The following MPRIP variants were observed in gnomAD, a reference collection of about 807,000 sequenced individuals.
MPRIP encodes the protein myosin phosphatase Rho interacting protein.
MPRIP carries 59 observed loss-of-function variants against 234.9 expected under a neutral mutation model. That is an observed-to-expected ratio of 0.25 (90% CI 0.20 to 0.31). MPRIP has a LOEUF of 0.31. MPRIP is among the 10% of genes least tolerant of loss of function. MPRIP has a pLI of 1.00. For synonymous variants in MPRIP, 1,144 were observed against 1,263.9 expected (o/e 0.91, Z 2.01); for missense variants, 2,436 against 3,071.0 (o/e 0.79, Z 4.89).
At chr17:17,088,729 A>G (rs992641071) in intron 3 of MPRIP, among the ~76,000 whole-genome samples, 5 of 152,116 alleles carry the variant, frequency 3.3e-5, no homozygotes, top group African/African-American at 1.2e-4. Flanking sequence ...CCTGGAAAAT[A>G]TATCATGTCC....
intron 1 of MPRIP, among the ~76,000 whole-genome samples, chr17:17,046,679 T>G (rs2088363139): frequency 6.6e-6 from 1 of 152,154 alleles, no homozygotes; most frequent in African/African-American, 2.4e-5. Context: ...TTTCCCCCAG[T>G]TGATTTGTAG....
chr17:17,108,315 A>G (rs1251232958), intron 3 of MPRIP, among the ~76,000 whole-genome samples: 1 of 152,232 alleles, frequency 6.6e-6, no homozygotes, highest in Non-Finnish European at 1.5e-5. Flanking sequence ...AAAAAGCTGT[A>G]AGTGACTTAA....
At chr17:17,154,510 T>C (rs1344747274) in intron 13 of MPRIP, 95 bp downstream of exon 13, 2 of 955,440 alleles carry the variant, frequency 2.1e-6, no homozygotes, top group African/African-American at 1.6e-5. Context: ...GTCTGAGACC[T>C]GAGCTCAGTG....
In MPRIP at chr17:17,060,887, C is replaced by T. The variant is rs778129472; in HGVS notation, c.124-14823C>T. On this transcript the variant is annotated intron_variant, in intron 1 of 23. Coordinates refer to ENST00000651222, the MANE Select transcript of MPRIP (RefSeq NM_001364716.4). ...GGCTGTAGAGCAATAGAACAGTATT[C>T]TCCAGGACTCAAGGCCCCATGGACA... 8.5e-5 allele frequency among the ~76,000 whole-genome samples: 13 copies of T among 152,356 alleles called. 1 individual carries two copies. In the South Asian group the frequency reaches 2.3e-3, roughly 27 times the overall value.
rs375686299 is a variant in MPRIP at position 17,076,553 on chromosome 17, A to G, written c.201+766A>G. 4.5e-4 allele frequency among the ~76,000 whole-genome samples: 69 copies of G among 152,014 alleles called. No homozygotes were observed. In the South Asian group the frequency reaches 0.014, roughly 30 times the overall value. On this transcript the variant is annotated intron_variant, in intron 2 of 23. Transcript: ENST00000651222. ...TTGCATTGTGTCTCTGTTCTTTGGG[A>G]TTGCTTCTAGAATGGGTTTTGATTT...
At chr17:17,169,049 G>A (rs1221640385) in intron 16 of MPRIP, 3 of 456,150 alleles carry the variant, frequency 6.6e-6, no homozygotes, top group Admixed American at 4.7e-5. Context: ...GGTTGTCAGC[G>A]AGCACCTCAG....
intron 3 of MPRIP, among the ~76,000 whole-genome samples, chr17:17,123,869 C>T (rs1022120142): frequency 6.6e-6 from 1 of 152,034 alleles, no homozygotes; most frequent in Non-Finnish European, 1.5e-5. Context: ...GTATTTACCC[C>T]CATTTGCTCT....
rs1216351055 is a variant in MPRIP at position 17,136,438 on chromosome 17, G to A, written c.724G>A (p.Glu242Lys). 22 of 1,609,818 alleles carry A rather than the reference G, an allele frequency of 1.4e-5. No homozygotes were observed. The highest frequency in any genetic ancestry group is 1.7e-5 in the Non-Finnish European group (20 of 1,178,084). ...AASSLREPGL[E>K]SKEEESAMSS... ...CAGCTCCCTGCGGGAACCTGGGCTAGAGAGCAAAGAAGGTGAGCGGAGGCC... is the reference window on the plus strand; with the variant it reads ...CAGCTCCCTGCGGGAACCTGGGCTAAAGAGCAAAGAAGGTGAGCGGAGGCC... Residue 242 changes from glutamate to lysine, a missense_variant, in exon 6 of 24, where the codon GAG becomes AAG. Glu to Lys is a moderately conservative substitution (Grantham distance 56). Transcript: ENST00000651222.
intron 3 of MPRIP, among the ~76,000 whole-genome samples, chr17:17,121,722 G>A (rs1173674005): frequency 6.6e-6 from 1 of 152,148 alleles, no homozygotes; most frequent in African/African-American, 2.4e-5. Context: ...GTAAAGTTGT[G>A]TCATGGAAGT....
At chr17:17,046,215 G>C (rs1305834367) in intron 1 of MPRIP, among the ~76,000 whole-genome samples, 20 of 152,178 alleles carry the variant, frequency 1.3e-4, no homozygotes, top group Non-Finnish European at 2.9e-5. Flanking sequence ...TCATGGTGTT[G>C]CATATAAAGA....
intron 3 of MPRIP, among the ~76,000 whole-genome samples, chr17:17,093,828 C>A (rs116066517): frequency 6.6e-6 from 1 of 152,200 alleles, no homozygotes; most frequent in Non-Finnish European, 1.5e-5. Flanking sequence ...ACTGCTACTT[C>A]TTGAGTTTTA....
Position 17,167,349 on chromosome 17 carries a change from G to A in MPRIP, c.5758G>A (p.Ala1920Thr), listed in dbSNP as rs1242409153. The part of the protein sequence containing the change: ...ERENAELKAK[A>T]AQLDHQQQCL... ...GGAGAATGCAGAGCTCAAGGCCAAGGCCGCCCAGCTAGACCATCAGCAGCA... is the reference window on the plus strand; with the variant it reads ...GGAGAATGCAGAGCTCAAGGCCAAGACCGCCCAGCTAGACCATCAGCAGCA... The change falls in exon 16 of 24, where the codon GCC becomes ACC. Residue 1920 changes from alanine (A) to threonine (T), a missense_variant. This residue lies in a region of MPRIP where 1,998 missense variants were observed against 2,520.3 expected (regional missense o/e 0.79). Coordinates refer to ENST00000651222, the MANE Select transcript of MPRIP (RefSeq NM_001364716.4). This position sits in a 1 kb window ranked among gnomAD's most constrained non-coding sequence, Gnocchi z 5.9. The A allele has an allele frequency of 1.0e-5, 13 of 1,304,058 alleles. No individual in the cohort carries two copies. Among genetic ancestry groups the A allele is most frequent in the Non-Finnish European group, 1.3e-5 (13 of 988,972 alleles). 80.8% of individuals were successfully genotyped at this position (1,304,058 alleles called of 1,614,324 possible).
intron 1 of MPRIP, among the ~76,000 whole-genome samples, chr17:17,044,696 G>C (rs2088289675): frequency 6.6e-6 from 1 of 152,128 alleles, no homozygotes; most frequent in Admixed American, 6.5e-5. Flanking sequence ...CTTAAGCTTA[G>C]ATAAACTAGG....
chr17:17,051,732 G>C (rs1042802291), intron 1 of MPRIP, among the ~76,000 whole-genome samples: 6 of 152,240 alleles, frequency 3.9e-5, no homozygotes, highest in African/African-American at 1.4e-4. Flanking sequence ...GAGCACCTAG[G>C]GGGTTGATTC....
At position 17,165,684 on chromosome 17, in the gene MPRIP, C is replaced by G. The variant is rs1354158660; in HGVS notation, c.4093C>G (p.Pro1365Ala). ...CTCGGAAGAAAGCATGTCCTCAGAGCCTGCACCCAGTGTACTGCCTGCAAC... is the reference window on the plus strand; with the variant it reads ...CTCGGAAGAAAGCATGTCCTCAGAGGCTGCACCCAGTGTACTGCCTGCAAC... ...SPSEESMSSEPAPSVLPATGD... is the reference protein window; with the variant it reads ...SPSEESMSSEAAPSVLPATGD... The change falls in exon 16 of 24, where the codon CCT (proline) becomes GCT (alanine). Residue 1365 changes from proline to alanine, a missense_variant. Transcript: ENST00000651222. 7.7e-7 allele frequency: 1 copy of G among 1,304,950 alleles called. No individual in the cohort carries two copies. The highest frequency in any genetic ancestry group is 2.3e-5 in the Admixed American group (1 of 43,558). 80.8% of individuals were successfully genotyped at this position (1,304,950 alleles called of 1,614,324 possible). A position where few individuals can be genotyped will look rare whatever the true frequency, so the allele number is the denominator to read the frequency against.
Position 17,150,011 on chromosome 17 carries a change from C to T in MPRIP, c.1630-133C>T, listed in dbSNP as rs78851757. The T allele has an allele frequency of 1.1e-3, 760 of 683,820 alleles. 6 individuals carry two copies. The East Asian group carries it at 0.018, about 16-fold the overall frequency. 42.4% of individuals were successfully genotyped at this position (683,820 alleles called of 1,614,324 possible). ...CTGGGTCATGCAGTAGTAGGATAGA[C>T]GGTGTCCTCACTTGTCAGTGTGTAT... On this transcript the variant is annotated intron_variant, in intron 11 of 23. Transcript: ENST00000651222.
Position 17,171,701 on chromosome 17 carries a change from C to T in MPRIP, c.6325-17C>T, listed in dbSNP as rs1228795681. The T allele has an allele frequency of 1.2e-6, 2 of 1,604,274 alleles. No individual in the cohort carries two copies. The highest frequency in any genetic ancestry group is 2.2e-5 in the East Asian group (1 of 44,846). On this transcript the variant is annotated splice_polypyrimidine_tract_variant and intron_variant, in intron 16 of 23. Transcript: ENST00000651222. ...GGTAAAGAAAGAAGTCGATGAAGTC[C>T]CTTTTGCATTTTGCAGGCCACGTGC...
chr17:17,063,150 C>T (rs1303895666), intron 1 of MPRIP, among the ~76,000 whole-genome samples: 1 of 152,252 alleles, frequency 6.6e-6, no homozygotes, highest in Non-Finnish European at 1.5e-5. Flanking sequence ...GGCAGAGGTG[C>T]AGTGCAGCCT....
Position 17,143,830 on chromosome 17 carries a change from C to A in MPRIP, c.1503+161C>A, listed in dbSNP as rs547255751. On this transcript the variant is annotated intron_variant, in intron 9 of 23. Transcript: ENST00000651222. ...ACCCACCGACCCACAGGCCGTCGAACACAGATTCTGTTTCTTCCCTTTTCT... is the reference window on the plus strand; with the variant it reads ...ACCCACCGACCCACAGGCCGTCGAAAACAGATTCTGTTTCTTCCCTTTTCT... Among the ~76,000 whole-genome samples, 13 of 152,330 alleles carry A rather than the reference C, an allele frequency of 8.5e-5. 1 individual carries two copies. In the East Asian group the frequency reaches 1.5e-3, roughly 18 times the overall value.
Sources: gnomAD v4.1 joint callset for allele counts (sites outside exome capture counted in the v4.1 genomes callset) on GRCh38, gnomAD v4.1.1 for gene constraint, gnomAD v4.1.1 regional missense constraint, Gnocchi (gnomAD v3.1) non-coding constraint, MANE v1.5 for transcripts, NCBI Gene and HGNC (gene_info 2026-07-23, HGNC 2026-07-21) for gene names.